CYP4Z1: variants seen among roughly 807,000 people sequenced by gnomAD.
CYP4Z1 encodes cytochrome P450 4Z1.
In CYP4Z1, 41 loss-of-function variants were observed where a neutral mutation model predicts 54.2. The observed-to-expected ratio is 0.76, with a 90% confidence interval of 0.59 to 0.98. The LOEUF is 0.98. CYP4Z1 is among the 50% of genes least tolerant of loss of function. The pLI, the probability that CYP4Z1 is intolerant of heterozygous loss-of-function variation, is 0.00. For synonymous variants in CYP4Z1, 163 were observed against 206.2 expected (o/e 0.79, Z 1.79); for missense variants, 513 against 599.0 (o/e 0.86, Z 1.50).
chr1:47,099,350 G>A (rs1202925677), intron 8 of CYP4Z1, 66 bp downstream of exon 8: 15 of 1,422,164 alleles, frequency 1.1e-5, no homozygotes, highest in East Asian at 2.5e-5. Flanking sequence ...TCTCTCTTCC[G>A]GTATCAGTAA....
intron 10 of CYP4Z1, 80 bp from the exon 11 acceptor site, chr1:47,116,570 A>G (rs1644831362): frequency 2.2e-6 from 2 of 919,828 alleles, no homozygotes; most frequent in Non-Finnish European, 3.3e-6. Flanking sequence ...ATATCTATGG[A>G]TTTCGTTTTT....
intron 2 of CYP4Z1, among the ~76,000 whole-genome samples, chr1:47,072,873 G>A (rs1170049320): frequency 6.6e-6 from 1 of 151,528 alleles, no homozygotes; most frequent in African/African-American, 2.4e-5. Context: ...ATATATAGGG[G>A]CTATTGCCAA....
chr1:47,105,150 G>C (rs1459365164), intron 8 of CYP4Z1, among the ~76,000 whole-genome samples: 2 of 150,896 alleles, frequency 1.3e-5, no homozygotes, highest in Non-Finnish European at 2.9e-5. Context: ...CCCTCTGCTG[G>C]GGGTGATAGG....
chr1:47,066,000 C>T (rs1387356671), upstream of CYP4Z1, among the ~76,000 whole-genome samples: 3 of 151,938 alleles, frequency 2.0e-5, no homozygotes, highest in Admixed American at 2.0e-4. Flanking sequence ...AATCGCCGAA[C>T]AGACCAATAA....
At chr1:47,062,743 GTCTT>G (rs1644430643), upstream of CYP4Z1, among the ~76,000 whole-genome samples, 1 of 152,062 alleles carries the variant, frequency 6.6e-6, no homozygotes, top group Non-Finnish European at 1.5e-5. Context: ...CCACCTTGTG[GTCTT>G]TCTCTACCCA....
At chr1:47,083,262 T>C (rs1037767965) in intron 4 of CYP4Z1, among the ~76,000 whole-genome samples, 4 of 152,174 alleles carry the variant, frequency 2.6e-5, no homozygotes, top group Non-Finnish European at 4.4e-5. Context: ...ACTGGCCCCA[T>C]ATTTTCCAGT....
chr1:47,069,439 C>G (rs1259539818), intron 2 of CYP4Z1, among the ~76,000 whole-genome samples: 1 of 120,822 alleles, frequency 8.3e-6, no homozygotes, highest in East Asian at 2.2e-3. Context: ...AAATTTCAAG[C>G]AGCCTGTGGC....
At chr1:47,111,994 G>A (rs1219343335) in intron 9 of CYP4Z1, among the ~76,000 whole-genome samples, 2 of 152,090 alleles carry the variant, frequency 1.3e-5, no homozygotes, top group East Asian at 1.9e-4. Context: ...TAGTAAATGC[G>A]AAATATTTTT....
intron 2 of CYP4Z1, among the ~76,000 whole-genome samples, chr1:47,079,087 T>C (rs904730058): frequency 9.2e-5 from 14 of 152,058 alleles, no homozygotes; most frequent in African/African-American, 2.9e-4. Context: ...AGGTAAAACA[T>C]AGGAAAGCCC....
At chr1:47,065,520 A>C (rs1557618593), upstream of CYP4Z1, among the ~76,000 whole-genome samples, 1 of 152,166 alleles carries the variant, frequency 6.6e-6, no homozygotes, top group Non-Finnish European at 1.5e-5. Flanking sequence ...AAACCCTAAG[A>C]TACAGCAAAA....
At chr1:47,080,589 T>G in intron 2 of CYP4Z1, 34 bp from the exon 3 acceptor site, 1 of 20,610 alleles carries the variant, frequency 4.9e-5, no homozygotes. Context: ...TTTCACTTAA[T>G]GCCATCTTTT....
chr1:47,068,540 T>C, intron 1 of CYP4Z1, 82 bp from the exon 2 acceptor site: 1 of 1,550,806 alleles, frequency 6.4e-7, no homozygotes, highest in Non-Finnish European at 8.8e-7. Context: ...GATCCTCAAC[T>C]TAGCACATGG....
chr1:47,104,781 C>A (rs1644745521), intron 8 of CYP4Z1, among the ~76,000 whole-genome samples: 1 of 152,066 alleles, frequency 6.6e-6, no homozygotes, highest in African/African-American at 2.4e-5. Context: ...GCCCTCAGAC[C>A]CCCTAGTAGT....
intron 9 of CYP4Z1, among the ~76,000 whole-genome samples, chr1:47,111,452 G>A (rs985144049): frequency 6.6e-6 from 1 of 152,108 alleles, no homozygotes; most frequent in Non-Finnish European, 1.5e-5. Context: ...CAAAGTGCTG[G>A]GACTACAGGG....
chr1:47,091,530 T>C (rs1352139495), intron 6 of CYP4Z1, among the ~76,000 whole-genome samples: 1 of 149,226 alleles, frequency 6.7e-6, no homozygotes, highest in Non-Finnish European at 1.5e-5. Flanking sequence ...GTTAGCTACC[T>C]TTCCTTGCTT....
chr1:47,076,844 CAAA>C lies in CYP4Z1; in HGVS notation c.320-3763_320-3761del, dbSNP rs59854360. On this transcript the variant is annotated intron_variant, in intron 2 of 11. Coordinates refer to ENST00000334194, the MANE Select transcript of CYP4Z1 (RefSeq NM_178134.3). ...TGGGCGACAGAGCCAGACGCTGTCT[CAAA>C]AAAAAAAAAAAAAAAGAATGTCTTG... 1.3e-3 allele frequency among the ~76,000 whole-genome samples: 103 copies of C among 81,382 alleles called. 7 individuals carry two copies. In the East Asian group the frequency reaches 0.028, roughly 22 times the overall value. 53.4% of individuals were successfully genotyped at this position (81,382 alleles called of 152,430 possible). A position where few individuals can be genotyped will look rare whatever the true frequency, so the allele number is the denominator to read the frequency against.
chr1:47,057,310 C>T, the CYP4Z1 span, among the ~76,000 whole-genome samples: 1 of 85,882 alleles, frequency 1.2e-5, no homozygotes, highest in African/African-American at 4.3e-5. Context: ...GATGGGCTTC[C>T]CTTTGTTACT....
intron 9 of CYP4Z1, among the ~76,000 whole-genome samples, chr1:47,106,649 G>A (rs1287984410): frequency 6.6e-6 from 1 of 152,172 alleles, no homozygotes; most frequent in Non-Finnish European, 1.5e-5. Context: ...CACACCGGCA[G>A]GGCATGTCAC....
chr1:47,058,240 TA>T, the CYP4Z1 span, among the ~76,000 whole-genome samples: 2 of 152,074 alleles, frequency 1.3e-5, no homozygotes, highest in African/African-American at 4.8e-5. Flanking sequence ...CACAGTTGAA[TA>T]AAATTTTGTG....
Sources: allele counts gnomAD v4.1 joint callset (sites outside exome capture counted in the v4.1 genomes callset), GRCh38; gene constraint gnomAD v4.1.1; transcripts MANE v1.5; gene names NCBI Gene and HGNC (gene_info 2026-07-23, HGNC 2026-07-21).